SVEP1: variants seen among roughly 807,000 people sequenced by gnomAD.
SVEP1 encodes sushi, von Willebrand factor type A, EGF and pentraxin domain-containing protein 1.
A neutral mutation model predicts 367.3 loss-of-function variants in SVEP1; 164 were observed. That is an observed-to-expected ratio of 0.45 (90% CI 0.39 to 0.51). The LOEUF (loss-of-function observed/expected upper bound fraction) is 0.51. SVEP1 is among the 20% of genes least tolerant of loss of function. The pLI is 0.00. For missense variants in SVEP1, 4,117 were observed against 4,425.3 expected (o/e 0.93, Z 1.98); for synonymous variants, 1,666 against 1,611.6 (o/e 1.03, Z -0.81).
Position 110,550,213 on chromosome 9 carries a change from A to C in SVEP1, c.532-109T>G, listed in dbSNP as rs913509291. 4 of 1,418,814 alleles carry C rather than the reference A, an allele frequency of 2.8e-6. No homozygotes were observed. In the East Asian group the frequency reaches 9.2e-5, roughly 32 times the overall value. 87.9% of individuals were successfully genotyped at this position (1,418,814 alleles called of 1,614,324 possible). On this transcript the variant is annotated intron_variant, in intron 1 of 47. Coordinates refer to ENST00000374469, the MANE Select transcript of SVEP1 (RefSeq NM_153366.4). The stretch of plus-strand genomic sequence containing the variant: ...CAAAGATCATTAGTATTTCACAGGC[A>C]TGAGGGATGGAAGCCCTAGTCAGAG...
In SVEP1 at chr9:110,366,241, C is replaced by A; in HGVS notation, c.*298G>T. ...TAAGTAACTGAATAAAAATGTGTACCAGGAACTTTCCCAATAGACAGCAGA... is the reference window on the plus strand; with the variant it reads ...TAAGTAACTGAATAAAAATGTGTACAAGGAACTTTCCCAATAGACAGCAGA... On this transcript the variant is annotated 3_prime_UTR_variant, in exon 48 of 48. Transcript: ENST00000374469. The A allele has an allele frequency of 3.2e-6, 1 of 311,126 alleles. No individual in the cohort carries two copies. The highest frequency in any genetic ancestry group is 5.8e-6 in the Non-Finnish European group (1 of 172,908). The allele number at this position is 311,126 out of a possible 1,614,324, so 19.3% of individuals were successfully genotyped here. A position where few individuals can be genotyped will look rare whatever the true frequency, so the allele number is the denominator to read the frequency against.
At chr9:110,393,811 G>C (rs893889815) in intron 40 of SVEP1, among the ~76,000 whole-genome samples, 1 of 152,204 alleles carries the variant, frequency 6.6e-6, no homozygotes, top group African/African-American at 2.4e-5. Context: ...GGCTGGGGGA[G>C]GGGTGCCCAC....
Position 110,450,052 on chromosome 9 carries a change from C to G in SVEP1, c.4103+7G>C, listed in dbSNP as rs777710191. Reference sequence around the variant, plus strand: ...AACAGTGAAAAGAATCAGACTTAGCCTTTTACCTGAAGCTATTGGCACCGT... The same window carrying G: ...AACAGTGAAAAGAATCAGACTTAGCGTTTTACCTGAAGCTATTGGCACCGT... On this transcript the variant is annotated splice_region_variant and intron_variant, in intron 24 of 47. Transcript: ENST00000374469. 4.3e-6 allele frequency: 7 copies of G among 1,613,564 alleles called. No homozygotes were observed. In the African/African-American group the frequency reaches 9.3e-5, roughly 22 times the overall value.
chr9:110,407,866 G>T lies in SVEP1; in HGVS notation c.7734C>A (p.Ile2578=). 1.2e-6 allele frequency: 2 copies of T among 1,613,988 alleles called. No homozygotes were observed. Among genetic ancestry groups the T allele is most frequent in the Non-Finnish European group, 1.7e-6 (2 of 1,179,896 alleles). ...GAAACCCAGGGAAGCAACTGTAGAT[G>T]ATTATGGCACCATAGCTGTAATCTG... ...EGADYSYGAI[I]IYSCFPGFQV... is the part of the protein sequence containing the mutation. The change falls in exon 38 of 48, where the codon ATC becomes ATA. Residue 2578 remains isoleucine (I), a synonymous_variant. Transcript: ENST00000374469.
In SVEP1 at chr9:110,408,015, G is replaced by A. The variant is rs779073227; in HGVS notation, c.7585C>T (p.Arg2529Trp). 4.2e-5 allele frequency: 67 copies of A among 1,613,858 alleles called. No individual in the cohort carries two copies. Among genetic ancestry groups the A allele is most frequent in the Non-Finnish European group, 4.7e-5 (55 of 1,179,878 alleles). Residue 2529 changes from arginine (R) to tryptophan (W), a missense_variant, in exon 38 of 48, where the codon CGG becomes TGG. Transcript: ENST00000374469. Reference sequence around the variant, plus strand: ...GTCAAGGCACTGGGACCTTCGAGCCGAAAGCCTCGGTTGCAAGAGTAGGTA... The same window carrying A: ...GTCAAGGCACTGGGACCTTCGAGCCAAAAGCCTCGGTTGCAAGAGTAGGTA... ...TVTYSCNRGF[R>W]LEGPSALTCL...
intron 1 of SVEP1, among the ~76,000 whole-genome samples, chr9:110,558,467 T>C (rs118129371): frequency 0.016 from 2,244 of 142,160 alleles, 22 homozygotes; most frequent in Non-Finnish European, 0.025. Context: ...TAAGTCATGA[T>C]GGTGCCACTG....
chr9:110,472,286 G>A lies in SVEP1; in HGVS notation c.2637C>T (p.Tyr879=), dbSNP rs761589701. 1 of 1,609,208 alleles carries A rather than the reference G, an allele frequency of 6.2e-7. No individual in the cohort carries two copies. Among genetic ancestry groups the A allele is most frequent in the South Asian group, 1.1e-5 (1 of 89,946 alleles). Residue 879 remains tyrosine, a synonymous_variant, in exon 15 of 48, where the codon TAC becomes TAT. Coordinates refer to ENST00000374469, the MANE Select transcript of SVEP1 (RefSeq NM_153366.4). The part of the protein sequence containing the change: ...GGWGAANRLD[Y]SYDDFLDTVQ... ...CAGTGTCCAGGAAGTCATCGTAAGA[G>A]TAATCCAGCCTATTAGCTGCACCCC...
chr9:110,384,634 C>A (rs1341860903), intron 43 of SVEP1, among the ~76,000 whole-genome samples: 2 of 152,094 alleles, frequency 1.3e-5, no homozygotes, highest in Non-Finnish European at 2.9e-5. Context: ...ATAATAACTA[C>A]AAGAAAGATA....
intron 5 of SVEP1, among the ~76,000 whole-genome samples, chr9:110,508,760 C>CAAAAAAAAAAAAAAA (rs11316319): frequency 7.8e-5 from 6 of 76,494 alleles, no homozygotes; most frequent in South Asian, 5.5e-4. Context: ...GACTCCATCT[C>CAAAAAAAAAAAAAAA]AAAAAAAAAA....
chr9:110,529,227 T>C (rs1335688481), intron 3 of SVEP1, among the ~76,000 whole-genome samples: 1 of 152,142 alleles, frequency 6.6e-6, no homozygotes, highest in Non-Finnish European at 1.5e-5. Flanking sequence ...GTTACATTGG[T>C]CTATATGTCT....
chr9:110,504,018 T>G (rs1485583729), intron 5 of SVEP1, among the ~76,000 whole-genome samples: 3 of 70,938 alleles, frequency 4.2e-5, no homozygotes, highest in Non-Finnish European at 8.0e-5. Flanking sequence ...AAGCTTTTTA[T>G]TTTTTTATTT....
At position 110,496,867 on chromosome 9, in the gene SVEP1, G is replaced by A; in HGVS notation, c.1748C>T (p.Ser583Phe). Residue 583 changes from serine (S) to phenylalanine (F), a missense_variant, in exon 8 of 48, where the codon TCT becomes TTT. Physicochemically the swap from Ser to Phe is radical, Grantham distance 155. Coordinates refer to ENST00000374469, the MANE Select transcript of SVEP1 (RefSeq NM_153366.4). ...TGGAATCTGCCAGGTAACATTGGCA[G>A]AATCTTGCTGTTCCAGAGTCTTAGC... is the stretch of plus-strand genomic sequence containing the variant. ...IEAKTLEQQD[S>F]ANVTWQIPTA... The A allele has an allele frequency of 6.4e-7, 1 of 1,558,766 alleles. No homozygotes were observed. Among genetic ancestry groups the A allele is most frequent in the Non-Finnish European group, 8.7e-7 (1 of 1,149,880 alleles).
intron 32 of SVEP1, 85 bp downstream of exon 32, chr9:110,431,830 T>A: frequency 6.5e-7 from 1 of 1,538,910 alleles, no homozygotes; most frequent in Admixed American, 1.9e-5. Context: ...AACAATTATC[T>A]CACTTAGAAA....
chr9:110,509,459 C>T (rs1237387146), intron 5 of SVEP1, among the ~76,000 whole-genome samples: 1 of 152,160 alleles, frequency 6.6e-6, no homozygotes, highest in Non-Finnish European at 1.5e-5. Context: ...CCTTACTCTG[C>T]TTTAAATTAT....
intron 26 of SVEP1, 44 bp downstream of exon 26, chr9:110,445,793 C>G: frequency 6.2e-7 from 1 of 1,606,086 alleles, no homozygotes; most frequent in Non-Finnish European, 8.5e-7. Flanking sequence ...AATTCGGTTC[C>G]AAGATAAGAT....
At chr9:110,494,477 C>T (rs1829416390) in intron 8 of SVEP1, among the ~76,000 whole-genome samples, 1 of 152,196 alleles carries the variant, frequency 6.6e-6, no homozygotes. Flanking sequence ...AAGCTTGTGA[C>T]TGTAGAATAA....
intron 35 of SVEP1, among the ~76,000 whole-genome samples, chr9:110,428,727 T>C (rs1444298362): frequency 6.6e-6 from 1 of 151,992 alleles, no homozygotes; most frequent in East Asian, 1.9e-4. Context: ...AACATCCTCA[T>C]ATTTATAAAT....
At chr9:110,383,451 G>A (rs1432163765) in intron 43 of SVEP1, among the ~76,000 whole-genome samples, 3 of 151,272 alleles carry the variant, frequency 2.0e-5, no homozygotes, top group African/African-American at 7.3e-5. Flanking sequence ...CTTTCCTCTG[G>A]GAGCTCTGTC....
At position 110,408,661 on chromosome 9, in the gene SVEP1, C is replaced by T; in HGVS notation, c.6939G>A (p.Lys2313=). The change falls in exon 38 of 48, where the codon AAG becomes AAA. Residue 2313 remains lysine (K), a synonymous_variant. Transcript: ENST00000374469. ...TCQKSGKWNK[K]SNPKCMPAKC... Reference sequence around the variant, plus strand: ...TGGCAGGCATGCACTTTGGATTTGACTTCTTATTCCATTTGCCAGATTTCT... The same window carrying T: ...TGGCAGGCATGCACTTTGGATTTGATTTCTTATTCCATTTGCCAGATTTCT... The T allele has an allele frequency of 6.2e-7, 1 of 1,614,034 alleles. No homozygotes were observed. The highest frequency in any genetic ancestry group is 8.5e-7 in the Non-Finnish European group (1 of 1,179,898).
Sources: allele counts gnomAD v4.1 joint callset (sites outside exome capture counted in the v4.1 genomes callset), GRCh38; gene constraint gnomAD v4.1.1; transcripts MANE v1.5; gene names NCBI Gene and HGNC (gene_info 2026-07-23, HGNC 2026-07-21).